Variants in TMIGD3 observed in about 807,000 individuals in gnomAD.
TMIGD3 encodes transmembrane and immunoglobulin domain containing 3, also known as AD026 protein (AD026).
A neutral mutation model predicts 28.1 loss-of-function variants in TMIGD3; 21 were observed. The observed-to-expected ratio is 0.75, with a 90% CI of 0.53 to 1.08. The LOEUF (loss-of-function observed/expected upper bound fraction) is 1.08. Among genes scored for constraint, TMIGD3 ranks in the 50% least tolerant of loss-of-function variants. The pLI is 0.00. For missense variants in TMIGD3, 416 were observed against 435.6 expected (o/e 0.96, Z 0.40); for synonymous variants, 151 against 162.1 (o/e 0.93, Z 0.52).
intron 1 of TMIGD3, among the ~76,000 whole-genome samples, chr1:111,538,424 G>C (rs1284833786): frequency 6.6e-6 from 1 of 152,162 alleles, no homozygotes; most frequent in Non-Finnish European, 1.5e-5. Context: ...GTGTGACTAA[G>C]GGCTCTGAAA....
At chr1:111,528,903 GA>G (rs535574569) in intron 1 of TMIGD3, among the ~76,000 whole-genome samples, 247 of 151,918 alleles carry the variant, frequency 1.6e-3, no homozygotes, top group African/African-American at 5.9e-3. Flanking sequence ...TTAATTCTAG[GA>G]GGTTTTTTCC....
At chr1:111,488,016 G>C (rs1379586889) in intron 3 of TMIGD3, among the ~76,000 whole-genome samples, 1 of 151,996 alleles carries the variant, frequency 6.6e-6, no homozygotes, top group African/African-American at 2.4e-5. Flanking sequence ...TGTTGCCCAG[G>C]CTGGTCTTAA....
upstream of TMIGD3, among the ~76,000 whole-genome samples, chr1:111,506,898 ATATATATATATATAT>A (rs1655510461): frequency 9.5e-6 from 1 of 104,884 alleles, no homozygotes; most frequent in South Asian, 3.0e-4. Context: ...AAAACAAAAA[ATATATATATATATAT>A]TATATATATA....
At chr1:111,487,870 C>A (rs151269431) in intron 3 of TMIGD3, among the ~76,000 whole-genome samples, 60 of 152,250 alleles carry the variant, frequency 3.9e-4, no homozygotes, top group African/African-American at 1.3e-3. Flanking sequence ...GTGGTGCAAT[C>A]ACGGCTCACT....
At chr1:111,548,259 G>C (rs1038790460) in intron 1 of TMIGD3, among the ~76,000 whole-genome samples, 1 of 152,166 alleles carries the variant, frequency 6.6e-6, no homozygotes, top group Non-Finnish European at 1.5e-5. Context: ...GGCCTCAAGC[G>C]ACCCACCCAC....
chr1:111,542,802 T>G (rs1656886963), intron 1 of TMIGD3, among the ~76,000 whole-genome samples: 1 of 152,138 alleles, frequency 6.6e-6, no homozygotes, highest in South Asian at 2.1e-4. Flanking sequence ...GTTCAAGTGA[T>G]TCTCCTGCCT....
chr1:111,490,740 C>G lies in TMIGD3; in HGVS notation c.373G>C (p.Gly125Arg). ...TTCAACTGGAATGATAGAATGCACC[C>G]AGGGAGCCCAGGAATTCTGAATCTG... is the stretch of plus-strand genomic sequence containing the variant. Reference protein sequence around the residue: ...TVRFRIPGLPGCILSFQLKVC... With the variant: ...TVRFRIPGLPRCILSFQLKVC... The change falls in exon 2 of 6, where the codon GGG becomes CGG. Residue 125 changes from glycine to arginine, a missense_variant. Transcript: ENST00000369716. The G allele has an allele frequency of 1.2e-6, 2 of 1,613,772 alleles. No homozygotes were observed. Among genetic ancestry groups the G allele is most frequent in the South Asian group, 2.2e-5 (2 of 91,074 alleles).
chr1:111,493,518 C>T (rs112805712), intron 1 of TMIGD3, among the ~76,000 whole-genome samples: 315 of 152,256 alleles, frequency 2.1e-3, no homozygotes, highest in Non-Finnish European at 3.4e-3. Context: ...TCTTATACAG[C>T]CTGTAGAATT....
At chr1:111,538,948 G>A (rs757690929) in intron 1 of TMIGD3, among the ~76,000 whole-genome samples, 36 of 152,084 alleles carry the variant, frequency 2.4e-4, no homozygotes, top group Non-Finnish European at 3.4e-4. Context: ...GCAAGCATTC[G>A]TATATTCTAC....
rs997261637 is a variant in TMIGD3 at position 111,561,764 on chromosome 1, G to C, written c.107+2082C>G. On this transcript the variant is annotated intron_variant, in intron 1 of 5. Transcript: ENST00000369717. Reference sequence around the variant, plus strand: ...TGTATTTGTGTGTATGTGTGTGTACGTATAATTGGAAGAGGGCCCTGTGTT... The same window carrying C: ...TGTATTTGTGTGTATGTGTGTGTACCTATAATTGGAAGAGGGCCCTGTGTT... Among the ~76,000 whole-genome samples, 122 of 152,222 alleles carry C rather than the reference G, an allele frequency of 8.0e-4. 1 individual carries two copies. The highest frequency in any genetic ancestry group is 2.7e-3 in the African/African-American group (114 of 41,506).
intron 1 of TMIGD3, among the ~76,000 whole-genome samples, chr1:111,558,942 A>G (rs912782918): frequency 1.3e-5 from 2 of 152,214 alleles, no homozygotes; most frequent in Admixed American, 1.3e-4. Context: ...GTATACTTTT[A>G]TAAAAATCAA....
chr1:111,500,337 C>G (rs1557822657), intron 1 of TMIGD3: 2 of 1,614,176 alleles, frequency 1.2e-6, no homozygotes, highest in Non-Finnish European at 1.7e-6. Flanking sequence ...ACATGACAAC[C>G]AGGGGGATGA....
At chr1:111,515,558 A>G (rs1655832660) in intron 1 of TMIGD3, among the ~76,000 whole-genome samples, 1 of 152,200 alleles carries the variant, frequency 6.6e-6, no homozygotes, top group African/African-American at 2.4e-5. Flanking sequence ...CCCTTGTGCC[A>G]GAGGCGATGA....
intron 1 of TMIGD3, among the ~76,000 whole-genome samples, chr1:111,517,250 C>T (rs1655901474): frequency 6.6e-6 from 1 of 152,032 alleles, no homozygotes; most frequent in South Asian, 2.1e-4. Flanking sequence ...AGGCCTCAGA[C>T]ATTTCCAAGA....
chr1:111,527,687 T>C (rs879714586), intron 1 of TMIGD3, among the ~76,000 whole-genome samples: 4 of 152,246 alleles, frequency 2.6e-5, no homozygotes, highest in Admixed American at 2.6e-4. Flanking sequence ...ATGTTTTGAA[T>C]TTTGGCCATT....
chr1:111,495,680 A>G (rs1308061261), intron 1 of TMIGD3, among the ~76,000 whole-genome samples: 1 of 152,216 alleles, frequency 6.6e-6, no homozygotes, highest in East Asian at 1.9e-4. Flanking sequence ...TATATACCCA[A>G]AGAAATATAA....
chr1:111,486,715 C>T, intron 3 of TMIGD3, 63 bp from the exon 4 acceptor site: 1 of 1,334,014 alleles, frequency 7.5e-7, no homozygotes, highest in African/African-American at 1.4e-5. Context: ...CTCTGCCTCC[C>T]AGCTGCAGCT....
At chr1:111,508,716 G>C (rs1655594459) in intron 1 of TMIGD3, among the ~76,000 whole-genome samples, 1 of 152,164 alleles carries the variant, frequency 6.6e-6, no homozygotes, top group African/African-American at 2.4e-5. Flanking sequence ...CATGTGCAAA[G>C]CTCCTCCCAC....
chr1:111,557,202 T>C (rs936101220), intron 1 of TMIGD3, among the ~76,000 whole-genome samples: 1 of 152,194 alleles, frequency 6.6e-6, no homozygotes, highest in African/African-American at 2.4e-5. Flanking sequence ...GCATCATTTC[T>C]TCAAAAGACT....
Sources: allele counts gnomAD v4.1 joint callset (sites outside exome capture counted in the v4.1 genomes callset), GRCh38; gene constraint gnomAD v4.1.1; transcripts MANE v1.5; gene names NCBI Gene and HGNC (gene_info 2026-07-23, HGNC 2026-07-21).